The following ZNF20 variants were observed in gnomAD, a reference collection of about 807,000 sequenced individuals.
ZNF20 encodes zinc finger protein KOX13.
ZNF20 carries 9 observed loss-of-function variants against 11.0 expected under a neutral mutation model. The observed-to-expected ratio is 0.82, with a 90% CI of 0.49 to 1.43. ZNF20 has a LOEUF of 1.43. ZNF20 is among the 40% of genes most tolerant of loss of function. The pLI, the probability that ZNF20 is intolerant of heterozygous loss-of-function variation, is 0.00. For synonymous variants in ZNF20, 182 were observed against 213.0 expected, an observed-to-expected ratio of 0.85 and a Z score of 1.27; for missense variants, 528 against 640.8, an observed-to-expected ratio of 0.82 and a Z score of 1.90.
Position 12,133,617 on chromosome 19 carries a change from CTG to C in ZNF20, c.567_568del (p.His189GlnfsTer11). 2 of 1,614,222 alleles carry C rather than the reference CTG, an allele frequency of 1.2e-6. No homozygotes were observed. Among genetic ancestry groups the C allele is most frequent in the Non-Finnish European group, 1.7e-6 (2 of 1,180,036 alleles). On this transcript the variant is annotated frameshift_variant, in exon 4 of 4. Coordinates refer to ENST00000334213, the MANE Select transcript of ZNF20 (RefSeq NM_021143.4). LOFTEE classifies it low-confidence loss of function (END_TRUNC). ...AGGTCCATCTCCACTGTGCATTACC[CTG>C]TGTCTTTGAATGCATGAATGGGAAA...
Position 12,133,004 on chromosome 19 carries a change from G to A in ZNF20, c.1182C>T (p.Pro394=). The A allele has an allele frequency of 6.2e-7, 1 of 1,614,044 alleles. No homozygotes were observed. The highest frequency in any genetic ancestry group is 8.5e-7 in the Non-Finnish European group (1 of 1,179,958). ...IHERTHSGEK[P]HECKECGKVF... ...CTTTTCCACATTCCTTACATTCATG[G>A]GGTTTCTCTCCACTGTGCGTCCTTT... The change falls in exon 4 of 4, where the codon CCC becomes CCT. Residue 394 remains proline (P), a synonymous_variant. Coordinates refer to ENST00000334213, the MANE Select transcript of ZNF20 (RefSeq NM_021143.4).
At chr19:12,134,520 G>A (rs1412736023) in intron 3 of ZNF20, among the ~76,000 whole-genome samples, 1 of 152,042 alleles carries the variant, frequency 6.6e-6, no homozygotes, top group Non-Finnish European at 1.5e-5. Flanking sequence ...GCGTGCGCTT[G>A]TAATCCCAAC....
intron 3 of ZNF20, among the ~76,000 whole-genome samples, chr19:12,135,142 CT>C (rs35937238): frequency 9.9e-4 from 141 of 142,134 alleles, no homozygotes; most frequent in Non-Finnish European, 1.1e-3. Context: ...CATTTTCTCA[CT>C]TTTTTTTTTT....
rs779398937 is a variant in ZNF20 at position 12,132,787 on chromosome 19, G to A, written c.1399C>T (p.Arg467Ter). 6.2e-6 allele frequency: 10 copies of A among 1,613,758 alleles called. No homozygotes were observed. Among genetic ancestry groups the A allele is most frequent in the Middle Eastern group, 1.6e-4 (1 of 6,062 alleles). Reference sequence around the variant, plus strand: ...CCAGTGTGAGTCCTTTCATGATATCGAATGGAACTGGAACAAGTGAAGGCT... The same window carrying A: ...CCAGTGTGAGTCCTTTCATGATATCAAATGGAACTGGAACAAGTGAAGGCT... The part of the protein sequence containing the change: ...GKAFTCSSSI[R>*]YHERTHTGEK... The change falls in exon 4 of 4, where the codon CGA (arginine) becomes TGA (stop). Residue 467 changes from arginine to a stop codon, truncating the protein, a stop_gained. Coordinates refer to ENST00000334213, the MANE Select transcript of ZNF20 (RefSeq NM_021143.4). LOFTEE classifies it low-confidence loss of function (END_TRUNC).
At chr19:12,140,092 C>T in intron 1 of ZNF20, 88 bp downstream of exon 1, 1 of 1,496,732 alleles carries the variant, frequency 6.7e-7, no homozygotes, top group Non-Finnish European at 9.1e-7. Flanking sequence ...GGAGGCGCGG[C>T]GAGGAGGCCC....
chr19:12,132,938 C>T lies in ZNF20; in HGVS notation c.1248G>A (p.Thr416=), dbSNP rs776889368. The T allele has an allele frequency of 8.2e-5, 132 of 1,611,834 alleles. No homozygotes were observed. The highest frequency in any genetic ancestry group is 1.7e-4 in the Middle Eastern group (1 of 6,054). ...YFSSLRIHER[T]HTGEKPHECK... The stretch of plus-strand genomic sequence containing the variant: ...ATTCATGGGGCTTCTCTCCAGTGTG[C>T]GTCCTTTCATGTATACGCAAGGAAG... The change falls in exon 4 of 4, where the codon ACG becomes ACA. Residue 416 remains threonine (T), a synonymous_variant. Transcript: ENST00000334213.
chr19:12,138,974 G>C lies in ZNF20; in HGVS notation c.3+1206C>G, dbSNP rs1054907310. On this transcript the variant is annotated intron_variant, in intron 1 of 3. Coordinates refer to ENST00000334213, the MANE Select transcript of ZNF20 (RefSeq NM_021143.4). ...GGAGGATTTGAGACCCATACATTAG[G>C]AAAATGCAGGAGGAAGCCAGTCCCT... Among the ~76,000 whole-genome samples the C allele has an allele frequency of 5.3e-5, 8 of 152,328 alleles. No homozygotes were observed. The South Asian group carries it at 8.3e-4, about 16-fold the overall frequency.
Position 12,133,530 on chromosome 19 carries a change from C to T in ZNF20, c.656G>A (p.Arg219Gln), listed in dbSNP as rs1389798784. ...ATATGGTTTCACACCAGTGTGAATT[C>T]GTTCATGGATAAGACATAAATTGAG... ...YFLNLCLIHE[R>Q]IHTGVKPYKC... is the part of the protein sequence containing the mutation. Residue 219 changes from arginine (R) to glutamine (Q), a missense_variant, in exon 4 of 4, where the codon CGA becomes CAA. Coordinates refer to ENST00000334213, the MANE Select transcript of ZNF20 (RefSeq NM_021143.4). The T allele has an allele frequency of 8.7e-6, 14 of 1,614,182 alleles. No homozygotes were observed. The highest frequency in any genetic ancestry group is 2.2e-5 in the South Asian group (2 of 91,088).
chr19:12,135,812 G>C lies in ZNF20; in HGVS notation c.96C>G (p.Tyr32Ter). 2 of 1,614,078 alleles carry C rather than the reference G, an allele frequency of 1.2e-6. No homozygotes were observed. The change falls in exon 2 of 4, where the codon TAC (tyrosine) becomes TAG (stop). Residue 32 changes from tyrosine to a stop codon, truncating the protein, a stop_gained. Coordinates refer to ENST00000334213, the MANE Select transcript of ZNF20 (RefSeq NM_021143.4). LOFTEE classifies it high-confidence loss of function. ...ALLDPSQKNL[Y>*]RDVMQETFKN... ...TGAAGGTTTCCTGCATCACATCCCT[G>C]TAGAGATTCTTCTGGGAAGGATCCA...
chr19:12,132,857 C>G lies in ZNF20; in HGVS notation c.1329G>C (p.Arg443Ser). 6.2e-7 allele frequency: 1 copy of G among 1,614,012 alleles called. No homozygotes were observed. Among genetic ancestry groups the G allele is most frequent in the Non-Finnish European group, 8.5e-7 (1 of 1,179,988 alleles). ...CATATGGCTTATCTCCAGTGTGTGT[C>G]CTTTCATGTATATGCAAGGAAGAGA... ...RYFSSLHIHERTHTGDKPYEC... is the reference protein window; with the variant it reads ...RYFSSLHIHESTHTGDKPYEC... Residue 443 changes from arginine (R) to serine (S), a missense_variant, in exon 4 of 4, where the codon AGG (arginine) becomes AGC (serine). Physicochemically the swap from Arg to Ser is moderately radical, Grantham distance 110. Transcript: ENST00000334213.
At chr19:12,137,640 G>C (rs1243510132) in intron 1 of ZNF20, 1 of 152,740 alleles carries the variant, frequency 6.5e-6, no homozygotes, top group African/African-American at 2.4e-5. Flanking sequence ...AAAAGTCCCT[G>C]TCTGTCTTTC....
Position 12,140,222 on chromosome 19 carries a change from C to T in ZNF20, c.-40G>A. On this transcript the variant is annotated 5_prime_UTR_variant, in exon 1 of 4. Transcript: ENST00000334213. The stretch of plus-strand genomic sequence containing the variant: ...GTGTCCCGGTGTCCTCTCTAGGGCT[C>T]CCGTGAATAGTGCGGGTCACGGTGC... The T allele has an allele frequency of 1.3e-6, 2 of 1,596,624 alleles. No homozygotes were observed. Among genetic ancestry groups the T allele is most frequent in the East Asian group, 2.3e-5 (1 of 44,196 alleles).
intron 3 of ZNF20, among the ~76,000 whole-genome samples, chr19:12,135,017 G>A (rs1188526107): frequency 1.3e-5 from 2 of 151,986 alleles, no homozygotes; most frequent in African/African-American, 4.8e-5. Flanking sequence ...GCATTTGGGG[G>A]TATGCGCAAC....
intron 1 of ZNF20, chr19:12,136,844 CACTT>C (rs1203417257): frequency 1.1e-5 from 5 of 447,586 alleles, no homozygotes; most frequent in Non-Finnish European, 2.2e-5. Context: ...AAGTGGTCCT[CACTT>C]ACCAGAAGGA....
chr19:12,134,187 G>A (rs1976673442), intron 3 of ZNF20, among the ~76,000 whole-genome samples: 2 of 151,894 alleles, frequency 1.3e-5, no homozygotes. Context: ...AGCTGGGCGT[G>A]GTGGCAGGTG....
In ZNF20 at chr19:12,140,188, G is replaced by A. The variant is rs771486867; in HGVS notation, c.-6C>T. On this transcript the variant is annotated 5_prime_UTR_variant, in exon 1 of 4. Coordinates refer to ENST00000334213, the MANE Select transcript of ZNF20 (RefSeq NM_021143.4). ...CGGCCCCATACACTCACCATTTCCCGGCTTCTGGGTGTCCCGGTGTCCTCT... is the reference window on the plus strand; with the variant it reads ...CGGCCCCATACACTCACCATTTCCCAGCTTCTGGGTGTCCCGGTGTCCTCT... 1.4e-5 allele frequency: 22 copies of A among 1,604,112 alleles called. No homozygotes were observed. The South Asian group carries it at 2.3e-4, about 17-fold the overall frequency.
At chr19:12,136,450 G>A (rs541258825) in intron 1 of ZNF20, among the ~76,000 whole-genome samples, 2 of 152,164 alleles carry the variant, frequency 1.3e-5, no homozygotes, top group South Asian at 4.1e-4. Flanking sequence ...GGGAGGCCAA[G>A]GTGGGCGGAT....
chr19:12,140,026 G>A (rs916234049), intron 1 of ZNF20, among the ~76,000 whole-genome samples, 154 bp downstream of exon 1: 15 of 152,186 alleles, frequency 9.9e-5, no homozygotes, highest in Non-Finnish European at 1.6e-4. Flanking sequence ...GCCGCACCCT[G>A]CGGCCGAGGG....
chr19:12,137,015 C>T (rs945727750), intron 1 of ZNF20: 4 of 287,456 alleles, frequency 1.4e-5, no homozygotes, highest in South Asian at 2.9e-5. Flanking sequence ...AGAAGAAACC[C>T]GTACTCAAGC....
Sources: gnomAD v4.1 joint callset for allele counts (sites outside exome capture counted in the v4.1 genomes callset) on GRCh38, gnomAD v4.1.1 for gene constraint, MANE v1.5 for transcripts, NCBI Gene and HGNC (gene_info 2026-07-23, HGNC 2026-07-21) for gene names.